Variants in CUX2 observed in about 807,000 individuals in gnomAD.
CUX2 encodes the protein homeobox protein cut-like 2.
Under a neutral mutation model 144.8 loss-of-function variants are expected in CUX2, and 40 were observed. The observed-to-expected ratio is 0.28, with a 90% confidence interval of 0.21 to 0.36. The LOEUF (loss-of-function observed/expected upper bound fraction) is 0.36, where lower values mean the gene tolerates loss of function less well. CUX2 is among the 10% of genes least tolerant of loss of function. CUX2 has a pLI of 1.00. For synonymous variants in CUX2, 827 were observed against 875.6 expected, an observed-to-expected ratio of 0.94 and a Z score of 0.98; for missense variants, 1,615 against 1,994.0, an observed-to-expected ratio of 0.81 and a Z score of 3.62.
intron 4 of CUX2, among the ~76,000 whole-genome samples, chr12:111,271,707 C>T (rs1002378930): frequency 6.6e-6 from 1 of 152,224 alleles, no homozygotes; most frequent in Non-Finnish European, 1.5e-5. Flanking sequence ...CCTTTACTTA[C>T]TAGTTCACTA....
chr12:111,044,259 G>T (rs1423617401), intron 1 of CUX2, among the ~76,000 whole-genome samples: 5 of 152,146 alleles, frequency 3.3e-5, no homozygotes, highest in Admixed American at 1.3e-4. Flanking sequence ...GCTCCGTTGA[G>T]GTCGCTGTCA....
At chr12:111,224,170 A>G (rs777676235) in intron 3 of CUX2, among the ~76,000 whole-genome samples, 6 of 152,052 alleles carry the variant, frequency 3.9e-5, no homozygotes, top group Non-Finnish European at 8.8e-5. Context: ...AGGACAGACC[A>G]TTCCCCCGTC....
chr12:111,061,118 C>T lies in CUX2; in HGVS notation c.63+26878C>T, dbSNP rs1314802989. The stretch of plus-strand genomic sequence containing the variant: ...CTCATGGCTGTGGCCCTGCAGAGGC[C>T]AGCCGCTGATCAGTGAGTCTCTGCA... On this transcript the variant is annotated intron_variant, in intron 1 of 21. Transcript: ENST00000261726. The surrounding 1 kb of genome is among the most constrained non-coding windows in gnomAD (Gnocchi z 4.2). 6.6e-6 allele frequency among the ~76,000 whole-genome samples: 1 copy of T among 151,840 alleles called. No homozygotes were observed. Among genetic ancestry groups the T allele is most frequent in the Non-Finnish European group, 1.5e-5 (1 of 67,938 alleles).
At chr12:111,136,564 A>G (rs1875901660) in intron 1 of CUX2, among the ~76,000 whole-genome samples, 2 of 152,252 alleles carry the variant, frequency 1.3e-5, no homozygotes, top group African/African-American at 4.8e-5. Context: ...TGACAGGCAC[A>G]TCTATGAAGC....
chr12:111,269,145 A>C (rs1336457017), intron 4 of CUX2, among the ~76,000 whole-genome samples: 1 of 152,214 alleles, frequency 6.6e-6, no homozygotes, highest in East Asian at 1.9e-4. Flanking sequence ...AGTATACAGC[A>C]GGTGCTTACT....
Position 111,171,172 on chromosome 12 carries a change from G to A in CUX2, c.64-43028G>A, listed in dbSNP as rs1401633583. ...TCCACTTGGGGGTGACAGAGATGGA[G>A]AAGTTGGGCAACCCCCAGTCTGATG... On this transcript the variant is annotated intron_variant, in intron 1 of 21. Transcript: ENST00000261726. This position sits in a 1 kb window ranked among gnomAD's most constrained non-coding sequence, Gnocchi z 5.0. 6.6e-6 allele frequency among the ~76,000 whole-genome samples: 1 copy of A among 152,108 alleles called. No individual in the cohort carries two copies. Among genetic ancestry groups the A allele is most frequent in the Non-Finnish European group, 1.5e-5 (1 of 68,014 alleles).
At chr12:111,259,722 GGT>G (rs1345922483) in intron 3 of CUX2, among the ~76,000 whole-genome samples, 2 of 150,894 alleles carry the variant, frequency 1.3e-5, no homozygotes, top group Non-Finnish European at 2.9e-5. Context: ...AGATTAGCCA[GGT>G]GTGTGGTGCA....
chr12:111,073,576 G>A (rs1017067152), intron 1 of CUX2, among the ~76,000 whole-genome samples: 1 of 152,054 alleles, frequency 6.6e-6, no homozygotes, highest in Non-Finnish European at 1.5e-5. Flanking sequence ...TTTGTTGTGG[G>A]TGCTGCTCTG....
In CUX2 at chr12:111,150,533, A is replaced by T. The variant is rs541899069; in HGVS notation, c.64-63667A>T. On this transcript the variant is annotated intron_variant, in intron 1 of 21. Coordinates refer to ENST00000261726, the MANE Select transcript of CUX2 (RefSeq NM_015267.4). ...TGGTTTTTCCCCCTTGGGCTTTTGG[A>T]GTGGGGGAAACACAACAACAGATGA... is the stretch of plus-strand genomic sequence containing the variant. Among the ~76,000 whole-genome samples the T allele has an allele frequency of 9.1e-4, 139 of 152,092 alleles. 1 individual carries two copies. In the Middle Eastern group the frequency reaches 0.014, roughly 15 times the overall value.
intron 1 of CUX2, among the ~76,000 whole-genome samples, chr12:111,202,413 T>A (rs1418151855): frequency 6.6e-6 from 1 of 152,102 alleles, no homozygotes; most frequent in Non-Finnish European, 1.5e-5. Flanking sequence ...ACAAGATAAT[T>A]AGGCGTTTGA....
chr12:111,222,825 G>A (rs1198514564), intron 3 of CUX2, among the ~76,000 whole-genome samples: 2 of 152,164 alleles, frequency 1.3e-5, no homozygotes, highest in African/African-American at 4.8e-5. Flanking sequence ...GGGTCTGGGG[G>A]AATTCGTGTG....
intron 9 of CUX2, among the ~76,000 whole-genome samples, chr12:111,301,546 C>T (rs1296927100): frequency 6.6e-6 from 1 of 151,702 alleles, no homozygotes; most frequent in Non-Finnish European, 1.5e-5. Context: ...GAGACAGGGT[C>T]CAGCTCTGTC....
In CUX2 at chr12:111,350,045, C is replaced by G. The variant is rs1228138516; in HGVS notation, c.*1720C>G. ...CAAAACACAAACCCTGAAGGAAAAC[C>G]TTTTCCATACACCCAGGCTATGCAT... On this transcript the variant is annotated 3_prime_UTR_variant, in exon 22 of 22. Transcript: ENST00000261726. 1 of 152,572 alleles carries G rather than the reference C, an allele frequency of 6.6e-6. No individual in the cohort carries two copies. Among genetic ancestry groups the G allele is most frequent in the Non-Finnish European group, 1.5e-5 (1 of 68,044 alleles). 9.5% of individuals were successfully genotyped at this position (152,572 alleles called of 1,614,324 possible).
At chr12:111,143,482 C>T (rs575048987) in intron 1 of CUX2, among the ~76,000 whole-genome samples, 180 of 152,184 alleles carry the variant, frequency 1.2e-3, no homozygotes, top group African/African-American at 3.9e-3. Context: ...ATGGCAGTCC[C>T]GAGTAAAGGA....
chr12:111,238,917 T>C (rs1882890092), intron 3 of CUX2, among the ~76,000 whole-genome samples: 1 of 152,206 alleles, frequency 6.6e-6, no homozygotes. Flanking sequence ...TGGTGGTGCA[T>C]GCCTGTAGTC....
intron 1 of CUX2, among the ~76,000 whole-genome samples, chr12:111,208,556 C>T (rs1271143200): frequency 2.0e-5 from 3 of 152,174 alleles, no homozygotes; most frequent in Admixed American, 6.5e-5. Context: ...TGAGAAAATC[C>T]AACCTCTTAA....
chr12:111,278,660 G>A (rs1345754493), intron 4 of CUX2, among the ~76,000 whole-genome samples: 2 of 152,200 alleles, frequency 1.3e-5, no homozygotes, highest in African/African-American at 2.4e-5. Flanking sequence ...GGGAAGACTC[G>A]GGAATGAAAA....
Position 111,334,666 on chromosome 12 carries a change from C to T in CUX2, c.3152C>T (p.Ser1051Phe). ...VAMSPELDTY[S>F]ITKRVKEVLT... ...ATGTCCCCCGAGCTGGACACGTACT[C>T]CATCACCAAGAGGGTGAAGGAGGTC... The change falls in exon 19 of 22, where the codon TCC (serine) becomes TTC (phenylalanine). Residue 1051 changes from serine to phenylalanine, a missense_variant. Physicochemically the swap from Ser to Phe is radical, Grantham distance 155. Transcript: ENST00000261726. The T allele has an allele frequency of 1.2e-6, 2 of 1,613,712 alleles. No homozygotes were observed. Among genetic ancestry groups the T allele is most frequent in the South Asian group, 2.2e-5 (2 of 91,034 alleles).
At chr12:111,251,190 C>T (rs1883543438) in intron 3 of CUX2, among the ~76,000 whole-genome samples, 2 of 152,106 alleles carry the variant, frequency 1.3e-5, no homozygotes. Flanking sequence ...ATGGATGCTT[C>T]GAGGAAAACA....
Sources: allele counts gnomAD v4.1 joint callset (sites outside exome capture counted in the v4.1 genomes callset), GRCh38; gene constraint gnomAD v4.1.1; non-coding constraint Gnocchi (gnomAD v3.1); transcripts MANE v1.5; gene names NCBI Gene and HGNC (gene_info 2026-07-23, HGNC 2026-07-21).